Variants in WDR19 observed in about 807,000 individuals in gnomAD.
WDR19 encodes the protein WD repeat domain 19.
In WDR19, 121 loss-of-function variants were observed where a neutral mutation model predicts 180.0. The observed-to-expected ratio is 0.67, with a 90% confidence interval of 0.58 to 0.78. The LOEUF (loss-of-function observed/expected upper bound fraction) is 0.78. Among genes scored for constraint, WDR19 ranks in the 30% least tolerant of loss-of-function variants. The probability of loss-of-function intolerance (pLI) is 0.00; values close to 1 mark genes in which losing one functional copy is unlikely to be tolerated. For synonymous variants in WDR19, 497 were observed against 540.7 expected (o/e 0.92, Z 1.12); for missense variants, 1,450 against 1,640.7 (o/e 0.88, Z 2.01).
At chr4:39,210,765 T>C (rs1728413937) in intron 9 of WDR19, among the ~76,000 whole-genome samples, 1 of 152,162 alleles carries the variant, frequency 6.6e-6, no homozygotes, top group South Asian at 2.1e-4. Context: ...AGAAAAAGCA[T>C]TGCACAAAGT....
chr4:39,268,833 G>A (rs1401046116), intron 30 of WDR19, among the ~76,000 whole-genome samples: 2 of 152,098 alleles, frequency 1.3e-5, no homozygotes, highest in African/African-American at 4.8e-5. Context: ...AGAGTTGGAC[G>A]GGATGACAAG....
chr4:39,285,159 T>TAAC (rs1180692001), intron 36 of WDR19, among the ~76,000 whole-genome samples: 8 of 151,568 alleles, frequency 5.3e-5, no homozygotes, highest in East Asian at 3.9e-4. Context: ...TAGACAAATA[T>TAAC]AACTGTTTAA....
chr4:39,249,781 C>G (rs1301984540), intron 24 of WDR19, among the ~76,000 whole-genome samples: 1 of 152,084 alleles, frequency 6.6e-6, no homozygotes, highest in Non-Finnish European at 1.5e-5. Flanking sequence ...TACACTCCCC[C>G]AAGACTAAAT....
chr4:39,230,804 T>C (rs1053568116), intron 17 of WDR19, among the ~76,000 whole-genome samples: 4 of 152,208 alleles, frequency 2.6e-5, no homozygotes, highest in African/African-American at 9.6e-5. Flanking sequence ...AATGGATGAA[T>C]GAATAGATAG....
At chr4:39,224,307 A>G (rs1730006189) in intron 14 of WDR19, among the ~76,000 whole-genome samples, 2 of 152,180 alleles carry the variant, frequency 1.3e-5, no homozygotes, top group African/African-American at 2.4e-5. Flanking sequence ...TTATGCTTTA[A>G]TATCACTAAG....
At chr4:39,183,052 A>T (rs547486702) in intron 1 of WDR19, among the ~76,000 whole-genome samples, 1 of 152,018 alleles carries the variant, frequency 6.6e-6, no homozygotes, top group Admixed American at 6.5e-5. Context: ...TTCAAAATGT[A>T]TTACCTGTGA....
intron 35 of WDR19, 95 bp from the exon 36 acceptor site, chr4:39,278,444 G>A (rs992495915): frequency 3.1e-6 from 3 of 971,220 alleles, no homozygotes; most frequent in South Asian, 1.7e-5. Context: ...GTTAAGAGGT[G>A]TAGACAGAAA....
chr4:39,252,396 A>T (rs1733318650), intron 24 of WDR19, among the ~76,000 whole-genome samples: 1 of 150,798 alleles, frequency 6.6e-6, no homozygotes. Context: ...ATTAGGTGAT[A>T]TACCTAATGC....
Position 39,281,236 on chromosome 4 carries a change from T to TAGAGAGAGAG in WDR19, c.*13+2591_*13+2600dup, listed in dbSNP as rs1553919999. Among the ~76,000 whole-genome samples, 248 of 103,970 alleles carry TAGAGAGAGAG rather than the reference T, an allele frequency of 2.4e-3. 1 individual carries two copies. The highest frequency in any genetic ancestry group is 4.9e-3 in the African/African-American group (95 of 19,316). 68.2% of individuals were successfully genotyped at this position (103,970 alleles called of 152,430 possible). A position where few individuals can be genotyped will look rare whatever the true frequency, so the allele number is the denominator to read the frequency against. ...GTGTGTATATATATATATATATATATAGAGAGAGAGAGAGAGAGAGAGAGA... is the reference window on the plus strand; with the variant it reads ...GTGTGTATATATATATATATATATATAGAGAGAGAGAGAGAGAGAGAGAGAGAGAGAGAGA... On this transcript the variant is annotated intron_variant, in intron 36 of 36. Coordinates refer to ENST00000399820, the MANE Select transcript of WDR19 (RefSeq NM_025132.4).
intron 36 of WDR19, among the ~76,000 whole-genome samples, chr4:39,284,199 C>T (rs1736893619): frequency 6.6e-6 from 1 of 151,964 alleles, no homozygotes; most frequent in African/African-American, 2.4e-5. Flanking sequence ...CCAGTAATAT[C>T]TGTGTTTGAC....
chr4:39,185,883 A>C (rs1010576373), intron 2 of WDR19, 66 bp downstream of exon 2: 9 of 1,289,514 alleles, frequency 7.0e-6, no homozygotes, highest in Non-Finnish European at 8.4e-6. Context: ...TCTACTCAGT[A>C]GAAGTTTTTT....
chr4:39,213,052 T>C (rs1445033853), intron 9 of WDR19, among the ~76,000 whole-genome samples: 2 of 152,184 alleles, frequency 1.3e-5, no homozygotes, highest in Admixed American at 1.3e-4. Context: ...ACCCATCTAT[T>C]AGAATGACTA....
intron 21 of WDR19, among the ~76,000 whole-genome samples, chr4:39,241,016 T>C (rs1017845380): frequency 1.3e-5 from 2 of 151,600 alleles, no homozygotes; most frequent in African/African-American, 4.8e-5. Flanking sequence ...TCCGTAAAAC[T>C]TCATTCTGCC....
intron 36 of WDR19, among the ~76,000 whole-genome samples, chr4:39,285,109 A>G (rs1737051571): frequency 6.6e-6 from 1 of 151,428 alleles, no homozygotes; most frequent in African/African-American, 2.4e-5. Context: ...AAGCATCCTT[A>G]TACAGTGAAT....
In WDR19 at chr4:39,214,691, A is replaced by T. The variant is rs1272210093; in HGVS notation, c.961+20A>T. 1 of 1,457,926 alleles carries T rather than the reference A, an allele frequency of 6.9e-7. No individual in the cohort carries two copies. The highest frequency in any genetic ancestry group is 9.6e-7 in the Non-Finnish European group (1 of 1,044,230). The allele number at this position is 1,457,926 out of a possible 1,614,324, so 90.3% of individuals were successfully genotyped here. The stretch of plus-strand genomic sequence containing the variant: ...ATAAAGGTATTGATTTTTCTGAAGC[A>T]GATTGACATTTTATCATTCCAGTTA... On this transcript the variant is annotated intron_variant, in intron 10 of 36. Transcript: ENST00000399820.
intron 15 of WDR19, among the ~76,000 whole-genome samples, chr4:39,227,011 T>A (rs928670664): frequency 6.6e-6 from 1 of 152,166 alleles, no homozygotes; most frequent in African/African-American, 2.4e-5. Context: ...TGGTGTGCAA[T>A]GGTATCTCAA....
intron 5 of WDR19, among the ~76,000 whole-genome samples, chr4:39,198,848 AAATT>A (rs1456161260): frequency 7.2e-5 from 11 of 151,960 alleles, no homozygotes; most frequent in Admixed American, 5.2e-4. Flanking sequence ...AAAAATATAA[AAATT>A]AGTTGGGTGT....
intron 36 of WDR19, among the ~76,000 whole-genome samples, chr4:39,279,562 C>G (rs2109529643): frequency 6.6e-6 from 1 of 152,304 alleles, no homozygotes; most frequent in African/African-American, 2.4e-5. Context: ...ATGTTGCAGC[C>G]CCACTGGCCT....
Position 39,229,362 on chromosome 4 carries a change from G to A in WDR19, c.1982+672G>A, listed in dbSNP as rs149783213. Among the ~76,000 whole-genome samples, 45 of 152,230 alleles carry A rather than the reference G, an allele frequency of 3.0e-4. No homozygotes were observed. In the East Asian group the frequency reaches 8.7e-3, roughly 29 times the overall value. On this transcript the variant is annotated intron_variant, in intron 17 of 36. Transcript: ENST00000399820. Reference sequence around the variant, plus strand: ...GTTCATTTCACAGGGATATTGTGAGGCTCAGATAAGATAGTCAGCTGTTTT... The same window carrying A: ...GTTCATTTCACAGGGATATTGTGAGACTCAGATAAGATAGTCAGCTGTTTT...
Sources: gnomAD v4.1 joint callset for allele counts (sites outside exome capture counted in the v4.1 genomes callset) on GRCh38, gnomAD v4.1.1 for gene constraint, MANE v1.5 for transcripts, NCBI Gene and HGNC (gene_info 2026-07-23, HGNC 2026-07-21) for gene names.